The following TTC7B variants were observed in gnomAD, a reference collection of about 807,000 sequenced individuals.
TTC7B encodes the protein tetratricopeptide repeat domain 7B, also known as tetratricopeptide repeat protein 7B.
In TTC7B, 28 loss-of-function variants were observed where a neutral mutation model predicts 106.8. That is an observed-to-expected ratio of 0.26 (90% confidence interval 0.19 to 0.36). TTC7B has a LOEUF of 0.36. Ranked by LOEUF, TTC7B falls within the 10% of genes least tolerant of loss-of-function variation. The probability of loss-of-function intolerance (pLI) is 1.00; values close to 1 mark genes in which losing one functional copy is unlikely to be tolerated. For synonymous variants in TTC7B, 405 were observed against 430.6 expected (o/e 0.94, Z 0.74); for missense variants, 862 against 1,076.4 (o/e 0.80, Z 2.79).
chr14:90,735,449 G>A (rs1889482510), intron 4 of TTC7B, among the ~76,000 whole-genome samples: 1 of 151,790 alleles, frequency 6.6e-6, no homozygotes, highest in Non-Finnish European at 1.5e-5. Flanking sequence ...TGAGGTTGCA[G>A]TGAGCTATGA....
chr14:90,749,543 T>C (rs1479933635), intron 3 of TTC7B, among the ~76,000 whole-genome samples: 2 of 151,952 alleles, frequency 1.3e-5, no homozygotes, highest in East Asian at 1.9e-4. Flanking sequence ...GTAGCTGGGA[T>C]TGCAGGCATG....
Position 90,532,759 on chromosome 14 carries a change from G to C in TTC7B, c.*8609C>G, listed in dbSNP as rs1040827865. On this transcript the variant is annotated 3_prime_UTR_variant, in exon 20 of 20. Transcript: ENST00000328459. ...GGCCAGGGGTCCTTGATACACCGTG[G>C]CTGAACACAGGCAGGAAGGCCTCAC... 7 of 152,274 alleles carry C rather than the reference G, an allele frequency of 4.6e-5. No homozygotes were observed. Among genetic ancestry groups the C allele is most frequent in the African/African-American group, 1.7e-4 (7 of 41,434 alleles). 9.4% of individuals were successfully genotyped at this position (152,274 alleles called of 1,614,324 possible).
intron 19 of TTC7B, among the ~76,000 whole-genome samples, chr14:90,546,792 G>A (rs1336389539): frequency 1.3e-5 from 2 of 152,170 alleles, no homozygotes; most frequent in Admixed American, 6.5e-5. Context: ...GGATAGAGTG[G>A]GTAAGCGCAG....
At chr14:90,717,344 A>T (rs1490166061) in intron 5 of TTC7B, among the ~76,000 whole-genome samples, 1 of 152,114 alleles carries the variant, frequency 6.6e-6, no homozygotes, top group Non-Finnish European at 1.5e-5. Context: ...ATCTCAAAAA[A>T]AAAAAAAAAG....
At chr14:90,677,453 A>G (rs1022283436) in intron 8 of TTC7B, among the ~76,000 whole-genome samples, 2 of 152,182 alleles carry the variant, frequency 1.3e-5, no homozygotes, top group Non-Finnish European at 2.9e-5. Context: ...CTAAAATTTA[A>G]TTTCTCTACA....
At chr14:90,678,681 T>C (rs1186089825) in intron 8 of TTC7B, among the ~76,000 whole-genome samples, 1 of 152,210 alleles carries the variant, frequency 6.6e-6, no homozygotes, top group Non-Finnish European at 1.5e-5. Flanking sequence ...CAAATCTGAC[T>C]GTCTCAAAGG....
chr14:90,775,560 C>CGACAT lies in TTC7B; in HGVS notation c.445+5173_445+5177dup, dbSNP rs1215800009. ...AGGTAAAGGAGCTCTGTAAACCGCC[C>CGACAT]GACATGGTGCTTTACACCTGGGCAC... is the stretch of plus-strand genomic sequence containing the variant. On this transcript the variant is annotated intron_variant, in intron 3 of 19. Transcript: ENST00000328459. Among the ~76,000 whole-genome samples the CGACAT allele has an allele frequency of 1.4e-3, 211 of 152,192 alleles. 5 individuals carry two copies. Among genetic ancestry groups the CGACAT allele is most frequent in the Non-Finnish European group, 1.8e-4 (12 of 68,010 alleles).
At chr14:90,767,901 A>C (rs1890741497) in intron 3 of TTC7B, among the ~76,000 whole-genome samples, 1 of 152,222 alleles carries the variant, frequency 6.6e-6, no homozygotes, top group South Asian at 2.1e-4. Context: ...AAAGATATTA[A>C]GTGAAAAGTA....
intron 14 of TTC7B, among the ~76,000 whole-genome samples, chr14:90,646,613 T>G (rs574235455): frequency 3.5e-4 from 54 of 152,300 alleles, no homozygotes; most frequent in African/African-American, 1.3e-3. Flanking sequence ...TGCTACCTGG[T>G]TCCTGTTGGC....
Position 90,663,937 on chromosome 14 carries a change from C to T in TTC7B, c.1153-5550G>A, listed in dbSNP as rs979724012. On this transcript the variant is annotated intron_variant, in intron 9 of 19. Coordinates refer to ENST00000328459, the MANE Select transcript of TTC7B (RefSeq NM_001010854.2). This position sits in a 1 kb window ranked among gnomAD's most constrained non-coding sequence, Gnocchi z 4.5. ...TCCTGAAATGCTGATGCCAAGCATG[C>T]TGCCTGGATATATAACATGTCCTCC... 3.3e-5 allele frequency among the ~76,000 whole-genome samples: 5 copies of T among 152,196 alleles called. No individual in the cohort carries two copies. The highest frequency in any genetic ancestry group is 4.1e-4 in the South Asian group (2 of 4,828).
In TTC7B at chr14:90,807,743, C is replaced by T. The variant is rs1189992910; in HGVS notation, c.121+8432G>A. Reference sequence around the variant, plus strand: ...TAGATTTCCAGCTTCTACCTTGGGCCGAGAGAATCACCACCCTCAGCCAAG... The same window carrying T: ...TAGATTTCCAGCTTCTACCTTGGGCTGAGAGAATCACCACCCTCAGCCAAG... On this transcript the variant is annotated intron_variant, in intron 1 of 19. Coordinates refer to ENST00000328459, the MANE Select transcript of TTC7B (RefSeq NM_001010854.2). The surrounding 1 kb of genome is among the most constrained non-coding windows in gnomAD (Gnocchi z 4.1). Among the ~76,000 whole-genome samples the T allele has an allele frequency of 1.3e-5, 2 of 152,146 alleles. No homozygotes were observed. Among genetic ancestry groups the T allele is most frequent in the South Asian group, 2.1e-4 (1 of 4,822 alleles).
chr14:90,717,515 C>T (rs1270471939), intron 5 of TTC7B, among the ~76,000 whole-genome samples: 7 of 151,798 alleles, frequency 4.6e-5, no homozygotes, highest in Admixed American at 6.6e-5. Flanking sequence ...AATTTATATC[C>T]CCTCTCATTT....
chr14:90,591,079 C>T (rs1891938277), intron 18 of TTC7B, among the ~76,000 whole-genome samples: 1 of 152,188 alleles, frequency 6.6e-6, no homozygotes, highest in African/African-American at 2.4e-5. Flanking sequence ...GTGCCTCACA[C>T]CTGTAATCCT....
At chr14:90,544,692 C>T (rs1464818828) in intron 19 of TTC7B, among the ~76,000 whole-genome samples, 2 of 152,148 alleles carry the variant, frequency 1.3e-5, no homozygotes, top group South Asian at 4.2e-4. Context: ...AACGTTCCAA[C>T]GTAACTATGA....
intron 8 of TTC7B, among the ~76,000 whole-genome samples, chr14:90,679,417 C>T (rs1000299012): frequency 1.3e-5 from 2 of 152,172 alleles, no homozygotes; most frequent in African/African-American, 4.8e-5. Context: ...TCCCATTAAA[C>T]AGTATGTGTG....
At chr14:90,804,265 C>A (rs1397569410) in intron 1 of TTC7B, among the ~76,000 whole-genome samples, 2 of 151,348 alleles carry the variant, frequency 1.3e-5, no homozygotes, top group Non-Finnish European at 2.9e-5. Context: ...ACCCGGGAGG[C>A]GGAGCTTGCA....
At chr14:90,564,386 T>G (rs1890703218) in intron 19 of TTC7B, among the ~76,000 whole-genome samples, 1 of 152,194 alleles carries the variant, frequency 6.6e-6, no homozygotes, top group Admixed American at 6.5e-5. Flanking sequence ...TCTTGTTCCA[T>G]TTACAGAGCA....
intron 5 of TTC7B, among the ~76,000 whole-genome samples, chr14:90,696,177 C>T (rs1887738492): frequency 6.6e-6 from 1 of 152,220 alleles, no homozygotes; most frequent in Admixed American, 6.5e-5. Context: ...ACAACTGGAA[C>T]CCGAGCTCCC....
chr14:90,675,166 A>T (rs1025229890), intron 9 of TTC7B: 1 of 152,360 alleles, frequency 6.6e-6, no homozygotes, highest in Non-Finnish European at 1.5e-5. Context: ...CTTGTTTTGG[A>T]CCTAGGAGAT....
Sources: gnomAD v4.1 joint callset for allele counts (sites outside exome capture counted in the v4.1 genomes callset) on GRCh38, gnomAD v4.1.1 for gene constraint, Gnocchi (gnomAD v3.1) non-coding constraint, MANE v1.5 for transcripts, NCBI Gene and HGNC (gene_info 2026-07-23, HGNC 2026-07-21) for gene names.